LIPA: variants seen among roughly 807,000 people sequenced by gnomAD.
LIPA encodes the protein lipase A, lysosomal acid type.
Under a neutral mutation model 40.6 loss-of-function variants are expected in LIPA, and 26 were observed. The ratio of observed to expected loss-of-function variants is 0.64; its 90% CI spans 0.47 to 0.89. The LOEUF is 0.89. Among genes scored for constraint, LIPA ranks in the 40% least tolerant of loss-of-function variants. The pLI is 0.00. For missense variants in LIPA, 455 were observed against 479.6 expected, an observed-to-expected ratio of 0.95 and a Z score of 0.48; for synonymous variants, 188 against 168.4, an observed-to-expected ratio of 1.12 and a Z score of -0.90.
chr10:89,217,716 A>AT (rs1391691868), intron 8 of LIPA, among the ~76,000 whole-genome samples: 9 of 152,330 alleles, frequency 5.9e-5, no homozygotes, highest in African/African-American at 2.2e-4. Context: ...CCCAATTTTA[A>AT]TAAGTAACAA....
At chr10:89,332,585 G>A (rs1843666021) in intron 1 of LIPA, 3 of 1,613,958 alleles carry the variant, frequency 1.9e-6, no homozygotes, top group Non-Finnish European at 2.5e-6. Context: ...AAATCAACCG[G>A]GACCCCAGCT....
At chr10:89,241,384 T>C (rs1327589914) in intron 3 of LIPA, among the ~76,000 whole-genome samples, 1 of 152,194 alleles carries the variant, frequency 6.6e-6, no homozygotes, top group East Asian at 1.9e-4. Flanking sequence ...AATGAAACCA[T>C]GTCTGTTCGG....
At chr10:89,375,389 C>T (rs1381412613) in intron 2 of LIPA, among the ~76,000 whole-genome samples, 1 of 152,174 alleles carries the variant, frequency 6.6e-6, no homozygotes, top group East Asian at 1.9e-4. Flanking sequence ...TCTCATTATG[C>T]CCAAGCTGCA....
At chr10:89,310,955 G>A (rs1175846432) in intron 1 of LIPA, among the ~76,000 whole-genome samples, 1 of 152,162 alleles carries the variant, frequency 6.6e-6, no homozygotes, top group African/African-American at 2.4e-5. Context: ...AGTAAATTCT[G>A]CCCTGAACCT....
At chr10:89,228,941 T>C (rs981356591) in intron 3 of LIPA, among the ~76,000 whole-genome samples, 2 of 152,214 alleles carry the variant, frequency 1.3e-5, no homozygotes, top group Non-Finnish European at 1.5e-5. Flanking sequence ...CTGGAAAAGT[T>C]TGGCAGTTTC....
chr10:89,318,255 A>G, intron 1 of LIPA, among the ~76,000 whole-genome samples: 1 of 152,234 alleles, frequency 6.6e-6, no homozygotes, highest in East Asian at 1.9e-4. Flanking sequence ...TACCCCAATT[A>G]AAAGACACAG....
chr10:89,328,613 C>T (rs1365848993), intron 1 of LIPA, among the ~76,000 whole-genome samples: 1 of 152,082 alleles, frequency 6.6e-6, no homozygotes, highest in Non-Finnish European at 1.5e-5. Flanking sequence ...TGCCCTGAAA[C>T]GTTGCATTAC....
At chr10:89,324,767 A>T (rs1843590245) in intron 1 of LIPA, among the ~76,000 whole-genome samples, 1 of 152,220 alleles carries the variant, frequency 6.6e-6, no homozygotes, top group African/African-American at 2.4e-5. Context: ...AATATGAAAA[A>T]ATATGTGGTG....
chr10:89,279,703 A>G (rs972055008), intron 1 of LIPA, among the ~76,000 whole-genome samples: 1 of 152,234 alleles, frequency 6.6e-6, no homozygotes, highest in African/African-American at 2.4e-5. Context: ...CAGAGGGGTA[A>G]CAGAATTGAC....
At chr10:89,377,616 A>C (rs1469636312) in intron 2 of LIPA, among the ~76,000 whole-genome samples, 1 of 152,192 alleles carries the variant, frequency 6.6e-6, no homozygotes, top group Non-Finnish European at 1.5e-5. Context: ...ACAAATTGAC[A>C]ATGACTTTCT....
intron 1 of LIPA, among the ~76,000 whole-genome samples, chr10:89,321,547 C>A (rs1386613442): frequency 1.3e-5 from 2 of 151,998 alleles, no homozygotes; most frequent in East Asian, 1.9e-4. Context: ...TTAGAATGGC[C>A]ATCATTAAAA....
intron 7 of LIPA, among the ~76,000 whole-genome samples, chr10:89,223,244 G>A (rs982177208): frequency 5.9e-5 from 9 of 151,852 alleles, no homozygotes; most frequent in South Asian, 2.1e-4. Flanking sequence ...GCTGAGATGC[G>A]GGCTTCTATT....
intron 1 of LIPA, among the ~76,000 whole-genome samples, chr10:89,302,304 C>T (rs1843450036): frequency 6.6e-6 from 1 of 152,150 alleles, no homozygotes; most frequent in Non-Finnish European, 1.5e-5. Flanking sequence ...TTTGTTCCCT[C>T]CTGAACAATT....
intron 1 of LIPA, among the ~76,000 whole-genome samples, chr10:89,280,352 G>C (rs1024361763): frequency 6.6e-6 from 1 of 152,150 alleles, no homozygotes; most frequent in Non-Finnish European, 1.5e-5. Flanking sequence ...AAAAGTGAAC[G>C]TGCTCTCAGG....
chr10:89,247,841 TTTTATTTTATTTA>T, intron 1 of LIPA, 192 bp from the exon 2 acceptor site: 1 of 205,960 alleles, frequency 4.9e-6, no homozygotes, highest in Non-Finnish European at 8.3e-6. Flanking sequence ...ATTTATTTAT[TTTTATTTTATTTA>T]TTTATTTATT....
At chr10:89,250,098 C>CTTTCTTTTTTTTTTT (rs1564767178) in intron 1 of LIPA, among the ~76,000 whole-genome samples, 23 of 101,678 alleles carry the variant, frequency 2.3e-4, no homozygotes, top group Non-Finnish European at 3.3e-4. Flanking sequence ...TTTTTCTTTT[C>CTTTCTTTTTTTTTTT]TTTTCTTTCT....
Position 89,223,635 on chromosome 10 carries a change from A to C in LIPA, c.822+49T>G, listed in dbSNP as rs775520874. ...CCCATATCATTCAACACAAATAAGC[A>C]CATTCACAGATAAAAAAAAAAATCA... On this transcript the variant is annotated intron_variant, in intron 7 of 9. Transcript: ENST00000336233. 2.8e-6 allele frequency: 4 copies of C among 1,417,802 alleles called. No individual in the cohort carries two copies. The South Asian group carries it at 4.6e-5, about 16-fold the overall frequency. The allele number at this position is 1,417,802 out of a possible 1,614,324, so 87.8% of individuals were successfully genotyped here.
chr10:89,335,218 T>C (rs1480274690), intron 1 of LIPA: 1 of 152,204 alleles, frequency 6.6e-6, no homozygotes, highest in South Asian at 2.1e-4. Context: ...TAAAGCCACA[T>C]GAGTAGTTGA....
intron 1 of LIPA, among the ~76,000 whole-genome samples, chr10:89,323,535 C>T (rs2133533950): frequency 6.6e-6 from 1 of 151,486 alleles, no homozygotes; most frequent in African/African-American, 2.4e-5. Context: ...CCTAGAAAAC[C>T]CCCACGTCTC....
Sources: gnomAD v4.1 joint callset for allele counts (sites outside exome capture counted in the v4.1 genomes callset) on GRCh38, gnomAD v4.1.1 for gene constraint, MANE v1.5 for transcripts, NCBI Gene and HGNC (gene_info 2026-07-23, HGNC 2026-07-21) for gene names.